CRTC3: variants seen among roughly 807,000 people sequenced by gnomAD.
The protein encoded by CRTC3 is CREB-regulated transcription coactivator 3.
In CRTC3, 26 loss-of-function variants were observed where a neutral mutation model predicts 74.5. The ratio of observed to expected loss-of-function variants is 0.35; its 90% CI spans 0.26 to 0.48. The LOEUF (loss-of-function observed/expected upper bound fraction) is 0.48, where lower values mean the gene tolerates loss of function less well. Ranked by LOEUF, CRTC3 falls within the 20% of genes least tolerant of loss-of-function variation. The pLI, the probability that CRTC3 is intolerant of heterozygous loss-of-function variation, is 0.99. For synonymous variants in CRTC3, 377 were observed against 325.8 expected, an observed-to-expected ratio of 1.16 and a Z score of -1.69; for missense variants, 760 against 787.3, an observed-to-expected ratio of 0.97 and a Z score of 0.41.
intron 1 of CRTC3, among the ~76,000 whole-genome samples, chr15:90,535,338 C>A (rs1044774327): frequency 1.3e-5 from 2 of 152,066 alleles, no homozygotes; most frequent in African/African-American, 4.8e-5. Flanking sequence ...GGAATGCCGA[C>A]CAGCTGAGCC....
At chr15:90,593,889 A>C in intron 3 of CRTC3, 134 bp downstream of exon 3, 1 of 865,398 alleles carries the variant, frequency 1.2e-6, no homozygotes, top group Non-Finnish European at 1.7e-6. Flanking sequence ...ATACAAATAA[A>C]TGAGTTGGAA....
In CRTC3 at chr15:90,629,288, T is replaced by C; in HGVS notation, c.1022T>C (p.Val341Ala). ...PSIQATLNKT[V>A]LSSSLNNHPQ... ...ATCCAAGCCACGCTCAATAAGACTG[T>C]GCTTTCCTCTTCCTTAAATAACCAC... The change falls in exon 11 of 15, where the codon GTG becomes GCG. Residue 341 changes from valine (V) to alanine (A), a missense_variant. By Grantham distance (64) the Val-to-Ala change is moderately conservative. Coordinates refer to ENST00000268184, the MANE Select transcript of CRTC3 (RefSeq NM_022769.5). 8 of 1,614,224 alleles carry C rather than the reference T, an allele frequency of 5.0e-6. No homozygotes were observed. Among genetic ancestry groups the C allele is most frequent in the Non-Finnish European group, 6.8e-6 (8 of 1,180,040 alleles).
chr15:90,567,857 T>C (rs896544485), intron 2 of CRTC3, among the ~76,000 whole-genome samples: 3 of 152,206 alleles, frequency 2.0e-5, no homozygotes, highest in Non-Finnish European at 4.4e-5. Flanking sequence ...TTTCAAGTCT[T>C]ATTATTTAAG....
intron 5 of CRTC3, 132 bp downstream of exon 5, chr15:90,604,579 C>T (rs1478731081): frequency 1.4e-6 from 1 of 712,542 alleles, no homozygotes; most frequent in Non-Finnish European, 2.4e-6. Context: ...AAACAAAACC[C>T]ACCATTTTTT....
At chr15:90,635,078 C>T (rs57373970) in intron 11 of CRTC3, 136,502 of 768,406 alleles carry the variant, frequency 0.18, 12,688 homozygotes, top group African/African-American at 0.24. Flanking sequence ...CTGCCCATTC[C>T]ACTGAAGTTC....
intron 2 of CRTC3, among the ~76,000 whole-genome samples, chr15:90,577,408 T>C (rs1216106746): frequency 6.6e-6 from 1 of 152,238 alleles, no homozygotes; most frequent in Non-Finnish European, 1.5e-5. Flanking sequence ...CCTGACAGTT[T>C]TGACTTTTAA....
intron 9 of CRTC3, among the ~76,000 whole-genome samples, chr15:90,624,540 A>T (rs1488543580): frequency 6.6e-6 from 1 of 151,552 alleles, no homozygotes; most frequent in Non-Finnish European, 1.5e-5. Context: ...TCTTAATTCC[A>T]CGCACACACT....
chr15:90,609,679 C>G (rs11636695), intron 6 of CRTC3, among the ~76,000 whole-genome samples: 106,252 of 152,126 alleles, frequency 0.7, 37,374 homozygotes, highest in South Asian at 0.78. Flanking sequence ...ATTACCTGAG[C>G]TGAAGTATTC....
chr15:90,536,919 A>G (rs1029995376), intron 1 of CRTC3, among the ~76,000 whole-genome samples: 1 of 152,334 alleles, frequency 6.6e-6, no homozygotes, highest in South Asian at 2.1e-4. Flanking sequence ...TGATCTTTCA[A>G]TCAGGAGAAG....
chr15:90,626,162 G>T (rs1968828644), intron 10 of CRTC3, among the ~76,000 whole-genome samples, 169 bp downstream of exon 10: 1 of 152,224 alleles, frequency 6.6e-6, no homozygotes, highest in Non-Finnish European at 1.5e-5. Flanking sequence ...GGATGTTTCT[G>T]TTTCTCCTGG....
intron 2 of CRTC3, among the ~76,000 whole-genome samples, chr15:90,545,130 G>A (rs1288622503): frequency 6.6e-6 from 1 of 152,170 alleles, no homozygotes; most frequent in Non-Finnish European, 1.5e-5. Flanking sequence ...CTTGTGCTTA[G>A]TATAATGTCT....
intron 3 of CRTC3, chr15:90,598,300 G>T: frequency 4.7e-6 from 3 of 639,978 alleles, no homozygotes; most frequent in Non-Finnish European, 8.5e-6. Context: ...CAAAGAAAGG[G>T]CCAGGGCGGG....
At chr15:90,590,378 TGAAAA>T (rs1967771893) in intron 2 of CRTC3, among the ~76,000 whole-genome samples, 1 of 152,030 alleles carries the variant, frequency 6.6e-6, no homozygotes, top group Non-Finnish European at 1.5e-5. Flanking sequence ...GGATAAAACT[TGAAAA>T]GGAGTAGAAA....
intron 1 of CRTC3, among the ~76,000 whole-genome samples, chr15:90,533,123 G>T (rs1331852015): frequency 8.5e-6 from 1 of 118,308 alleles, no homozygotes; most frequent in Admixed American, 9.7e-5. Context: ...AAAAAAAAAG[G>T]CCGGGCGCGG....
intron 2 of CRTC3, among the ~76,000 whole-genome samples, chr15:90,566,367 T>A (rs554485126): frequency 6.6e-6 from 1 of 152,052 alleles, no homozygotes; most frequent in African/African-American, 2.4e-5. Context: ...CTGGCCAATA[T>A]TGTGAAACCC....
At chr15:90,543,317 A>AAAC (rs1476261499) in intron 2 of CRTC3, among the ~76,000 whole-genome samples, 8 of 151,024 alleles carry the variant, frequency 5.3e-5, no homozygotes, top group African/African-American at 1.9e-4. Context: ...AAAAAAAAAA[A>AAAC]AAGGTGGCCT....
At chr15:90,625,723 T>C (rs893563313) in intron 9 of CRTC3, 53 bp from the exon 10 acceptor site, 2 of 1,523,054 alleles carry the variant, frequency 1.3e-6, no homozygotes, top group Non-Finnish European at 1.8e-6. Flanking sequence ...ATGTTTGGTT[T>C]CCCAACAGCC....
chr15:90,539,986 T>C, intron 1 of CRTC3, 53 bp from the exon 2 acceptor site: 1 of 1,184,304 alleles, frequency 8.4e-7, no homozygotes, highest in Non-Finnish European at 1.3e-6. Context: ...CTTTGATGCT[T>C]CTTTAGATCT....
In CRTC3 at chr15:90,544,432, T is replaced by C. The variant is rs571409713; in HGVS notation, c.231+4295T>C. 2.0e-5 allele frequency among the ~76,000 whole-genome samples: 3 copies of C among 152,342 alleles called. No homozygotes were observed. In the South Asian group the frequency reaches 6.2e-4, roughly 32 times the overall value. On this transcript the variant is annotated intron_variant, in intron 2 of 14. Transcript: ENST00000268184. ...TTCTGGGGCTTAGGACTTGAAGATA[T>C]CTCTTTTGGTGGCCATAATTTAACC...
Sources: allele counts gnomAD v4.1 joint callset (sites outside exome capture counted in the v4.1 genomes callset), GRCh38; gene constraint gnomAD v4.1.1; transcripts MANE v1.5; gene names NCBI Gene and HGNC (gene_info 2026-07-23, HGNC 2026-07-21).